Variants in C5 observed in about 807,000 individuals in gnomAD.
The protein encoded by C5 is C3 and PZP-like alpha-2-macroglobulin domain-containing protein 4.
Under a neutral mutation model 218.8 loss-of-function variants are expected in C5, and 140 were observed. That is an observed-to-expected ratio of 0.64 (90% CI 0.56 to 0.74). C5 has a LOEUF of 0.74. C5 is among the 30% of genes least tolerant of loss of function. The pLI, the probability that C5 is intolerant of heterozygous loss-of-function variation, is 0.00. For missense variants in C5, 1,700 were observed against 1,969.6 expected (o/e 0.86, Z 2.59); for synonymous variants, 614 against 682.3 (o/e 0.90, Z 1.56).
chr9:121,059,669 A>G, the C5 span, among the ~76,000 whole-genome samples: 7 of 152,188 alleles, frequency 4.6e-5, no homozygotes, highest in Non-Finnish European at 1.0e-4. The surrounding 1 kb of genome is among the most constrained non-coding windows in gnomAD (Gnocchi z 4.1). Flanking sequence ...TGACCAATAG[A>G]ATACAGCAAA....
the C5 span, among the ~76,000 whole-genome samples, chr9:121,056,201 C>A: frequency 3.3e-5 from 5 of 152,180 alleles, no homozygotes; most frequent in East Asian, 9.6e-4. Context: ...CAGACATGGA[C>A]GAATATCCAC....
the C5 span, among the ~76,000 whole-genome samples, chr9:121,072,861 T>C: frequency 1.3e-5 from 2 of 149,876 alleles, no homozygotes; most frequent in Non-Finnish European, 3.0e-5. Context: ...TGTAATCTCC[T>C]CTTAAGTGGA....
chr9:120,991,775 T>C (rs946157654), intron 22 of C5, among the ~76,000 whole-genome samples: 1 of 152,196 alleles, frequency 6.6e-6, no homozygotes, highest in Non-Finnish European at 1.5e-5. Context: ...TCAGATAATT[T>C]TTCTACTGTG....
At chr9:120,957,057 G>T in intron 39 of C5, 2 of 423,818 alleles carry the variant, frequency 4.7e-6, no homozygotes, top group South Asian at 2.2e-5. Flanking sequence ...GGACAATTAC[G>T]CAATTGAAAA....
At chr9:121,037,383 G>A (rs887275280) in intron 4 of C5, among the ~76,000 whole-genome samples, 1 of 150,036 alleles carries the variant, frequency 6.7e-6, no homozygotes, top group African/African-American at 2.5e-5. Flanking sequence ...GCACAATCTC[G>A]GCTCACTGCA....
intron 30 of C5, among the ~76,000 whole-genome samples, chr9:120,972,251 C>G (rs557403120): frequency 6.6e-6 from 1 of 152,196 alleles, no homozygotes; most frequent in Non-Finnish European, 1.5e-5. Context: ...TCAGAGGTCA[C>G]TTCTGGTTAC....
chr9:121,061,743 G>A, the C5 span, among the ~76,000 whole-genome samples: 18,246 of 152,138 alleles, frequency 0.12, 1,574 homozygotes, highest in African/African-American at 0.24. Flanking sequence ...ATGTGCAATT[G>A]CCAAAATTAC....
chr9:120,982,931 A>G (rs1373100050), intron 25 of C5, 117 bp from the exon 26 acceptor site: 2 of 640,324 alleles, frequency 3.1e-6, no homozygotes, highest in African/African-American at 3.7e-5. Context: ...ATGCAATTCC[A>G]AAGTAAGTCA....
chr9:121,069,376 T>C, the C5 span, among the ~76,000 whole-genome samples: 1 of 151,884 alleles, frequency 6.6e-6, no homozygotes, highest in African/African-American at 2.4e-5. Flanking sequence ...GACCAACAAA[T>C]ATATGAAAAA....
chr9:120,977,186 C>G (rs1187779987), intron 28 of C5, among the ~76,000 whole-genome samples: 7 of 152,212 alleles, frequency 4.6e-5, no homozygotes, highest in Middle Eastern at 3.4e-3. Flanking sequence ...GGTAATTTCA[C>G]CCCTGACCTC....
intron 2 of C5, among the ~76,000 whole-genome samples, chr9:121,043,682 G>A (rs895712298): frequency 6.8e-6 from 1 of 147,132 alleles, no homozygotes; most frequent in African/African-American, 2.5e-5. Flanking sequence ...ACAGGTGTGC[G>A]CCACCATGTC....
At chr9:121,053,324 T>A (rs910248880), upstream of C5, among the ~76,000 whole-genome samples, 1 of 152,198 alleles carries the variant, frequency 6.6e-6, no homozygotes, top group Non-Finnish European at 1.5e-5. Context: ...TTTAATCCTT[T>A]AGGAGAAAGG....
intron 8 of C5, 88 bp from the exon 9 acceptor site, chr9:121,025,668 T>A: frequency 7.8e-7 from 1 of 1,287,222 alleles, no homozygotes; most frequent in Non-Finnish European, 1.1e-6. Context: ...AACCTCTAAA[T>A]TGAAGGTAAA....
intron 30 of C5, among the ~76,000 whole-genome samples, chr9:120,973,608 G>A (rs947035204): frequency 2.0e-5 from 3 of 152,144 alleles, no homozygotes; most frequent in Admixed American, 1.3e-4. Context: ...TTAAATGTTG[G>A]CATATATCTA....
At chr9:121,017,300 C>T in intron 14 of C5, 62 bp downstream of exon 14, 2 of 1,593,962 alleles carry the variant, frequency 1.3e-6, no homozygotes, top group African/African-American at 2.7e-5. Flanking sequence ...AGTTCTTCCT[C>T]CATATCCTAG....
At chr9:121,037,686 A>T (rs1334696596) in intron 4 of C5, among the ~76,000 whole-genome samples, 195 bp downstream of exon 4, 1 of 152,142 alleles carries the variant, frequency 6.6e-6, no homozygotes, top group African/African-American at 2.4e-5. Flanking sequence ...AAGTTATTGA[A>T]ATTTAATTTG....
the C5 span, among the ~76,000 whole-genome samples, chr9:121,066,527 A>G: frequency 2.0e-5 from 3 of 151,958 alleles, no homozygotes; most frequent in Non-Finnish European, 4.4e-5. Context: ...AAGTTGCAAC[A>G]GTCATAGCCT....
At chr9:120,977,412 G>T (rs572871089) in intron 28 of C5, among the ~76,000 whole-genome samples, 19 of 152,114 alleles carry the variant, frequency 1.2e-4, no homozygotes, top group Admixed American at 2.6e-4. Context: ...AAATACTTCT[G>T]GTCCCAAGCA....
At chr9:121,071,447 G>C in the C5 span, among the ~76,000 whole-genome samples, 1 of 152,066 alleles carries the variant, frequency 6.6e-6, no homozygotes, top group Non-Finnish European at 1.5e-5. Context: ...CACTTTGGGA[G>C]GTTGAGGTGG....
Sources: allele counts gnomAD v4.1 joint callset (sites outside exome capture counted in the v4.1 genomes callset), GRCh38; gene constraint gnomAD v4.1.1; non-coding constraint Gnocchi (gnomAD v3.1); transcripts MANE v1.5; gene names NCBI Gene and HGNC (gene_info 2026-07-23, HGNC 2026-07-21).